The following XYLT1 variants were observed in gnomAD, a reference collection of about 807,000 sequenced individuals.
XYLT1 encodes the protein xylosyltransferase 1.
In XYLT1, 36 loss-of-function variants were observed where a neutral mutation model predicts 91.3. The observed-to-expected ratio is 0.39, with a 90% CI of 0.30 to 0.52. The LOEUF is 0.52. Ranked by LOEUF, XYLT1 falls within the 20% of genes least tolerant of loss-of-function variation. The pLI is 0.68. For missense variants in XYLT1, 1,242 were observed against 1,284.5 expected, an observed-to-expected ratio of 0.97 and a Z score of 0.51; for synonymous variants, 588 against 532.0, an observed-to-expected ratio of 1.11 and a Z score of -1.45.
At chr16:17,226,336 C>T (rs961972101) in intron 3 of XYLT1, among the ~76,000 whole-genome samples, 2 of 152,132 alleles carry the variant, frequency 1.3e-5, no homozygotes, top group Non-Finnish European at 2.9e-5. Flanking sequence ...GCCTCAGGGC[C>T]GTAGTACCCT....
At chr16:17,218,283 AAACAAC>A (rs973583588) in intron 3 of XYLT1, among the ~76,000 whole-genome samples, 1 of 152,018 alleles carries the variant, frequency 6.6e-6, no homozygotes, top group Non-Finnish European at 1.5e-5. Context: ...CCAAAAAAAC[AAACAAC>A]AACAACAAGA....
In XYLT1 at chr16:17,336,624, A is replaced by G. The variant is rs577140067; in HGVS notation, c.402+21388T>C. ...AACCTCCTCCTCCTAGGCTCACCCC[A>G]GGCCATCAAAGAGACACACATACCT... On this transcript the variant is annotated intron_variant, in intron 2 of 11. Coordinates refer to ENST00000261381, the MANE Select transcript of XYLT1 (RefSeq NM_022166.4). Among the ~76,000 whole-genome samples the G allele has an allele frequency of 5.9e-5, 9 of 152,152 alleles. No homozygotes were observed. The South Asian group carries it at 1.9e-3, about 32-fold the overall frequency.
intron 9 of XYLT1, 121 bp downstream of exon 9, chr16:17,134,352 A>G: frequency 7.4e-7 from 1 of 1,345,966 alleles, no homozygotes; most frequent in South Asian, 1.4e-5. Flanking sequence ...AAAGGAAGAG[A>G]GAAAGCATAG....
intron 1 of XYLT1, among the ~76,000 whole-genome samples, chr16:17,425,967 G>A (rs1335314186): frequency 2.0e-5 from 3 of 152,062 alleles, no homozygotes; most frequent in African/African-American, 4.8e-5. Context: ...ATGTCTATAC[G>A]TGTATTTTGC....
chr16:17,272,496 C>T (rs1006956170), intron 2 of XYLT1, among the ~76,000 whole-genome samples: 11 of 152,104 alleles, frequency 7.2e-5, no homozygotes, highest in African/African-American at 2.7e-4. Flanking sequence ...AAGCCACAAC[C>T]GGGACCAATG....
intron 2 of XYLT1, among the ~76,000 whole-genome samples, chr16:17,270,254 G>A (rs1483591161): frequency 2.0e-5 from 3 of 152,344 alleles, no homozygotes; most frequent in South Asian, 4.1e-4. Flanking sequence ...CTTTGTTTAT[G>A]TTTGACGCAG....
intron 3 of XYLT1, among the ~76,000 whole-genome samples, chr16:17,234,209 G>A (rs2033211077): frequency 6.6e-6 from 1 of 152,182 alleles, no homozygotes; most frequent in Non-Finnish European, 1.5e-5. Context: ...TGCCTAGCTT[G>A]TGAGTGACAG....
At chr16:17,291,385 T>C (rs2034223858) in intron 2 of XYLT1, among the ~76,000 whole-genome samples, 1 of 152,198 alleles carries the variant, frequency 6.6e-6, no homozygotes, top group Non-Finnish European at 1.5e-5. Context: ...AGGCTGAGGT[T>C]ATTTCCCATT....
chr16:17,366,989 T>C (rs972060380), intron 1 of XYLT1, among the ~76,000 whole-genome samples: 2 of 152,032 alleles, frequency 1.3e-5, no homozygotes, highest in Non-Finnish European at 2.9e-5. Context: ...TTGGATCAGA[T>C]GCTCCTCATA....
rs747223015 is a variant in XYLT1 at position 17,138,471 on chromosome 16, G to GGTT, written c.1645_1647dup (p.Asn549dup). 1 of 1,614,070 alleles carries GGTT rather than the reference G, an allele frequency of 6.2e-7. No individual in the cohort carries two copies. Among genetic ancestry groups the GGTT allele is most frequent in the Non-Finnish European group, 8.5e-7 (1 of 1,180,034 alleles). On this transcript the variant is annotated inframe_insertion, in exon 8 of 12. Transcript: ENST00000261381. ...TTGCGATTCCAGTTGGTGATGCGCAGGTTGTTGTCCACCATGGTGTCGCAG... is the reference window on the plus strand; with the variant it reads ...TTGCGATTCCAGTTGGTGATGCGCAGGTTGTTGTTGTCCACCATGGTGTCGCAG...
chr16:17,451,762 C>G (rs945048476), intron 1 of XYLT1, among the ~76,000 whole-genome samples: 1 of 152,148 alleles, frequency 6.6e-6, no homozygotes, highest in Non-Finnish European at 1.5e-5. Flanking sequence ...CCCATCACCC[C>G]AGGGACCTGC....
At chr16:17,393,297 T>C (rs902106346) in intron 1 of XYLT1, among the ~76,000 whole-genome samples, 2 of 152,218 alleles carry the variant, frequency 1.3e-5, no homozygotes, top group Non-Finnish European at 2.9e-5. Flanking sequence ...CATACCTCAA[T>C]GTGTTTATTT....
chr16:17,280,171 C>G (rs1399494723), intron 2 of XYLT1, among the ~76,000 whole-genome samples: 1 of 152,102 alleles, frequency 6.6e-6, no homozygotes, highest in Non-Finnish European at 1.5e-5. Context: ...GACAACATGG[C>G]GAAACCTCGT....
chr16:17,400,629 G>GAGGAAGGA (rs139881259), intron 1 of XYLT1, among the ~76,000 whole-genome samples: 5,219 of 132,630 alleles, frequency 0.039, 205 homozygotes, highest in Admixed American at 0.081. Context: ...GGGAGGAAGG[G>GAGGAAGGA]AGGAAGGAAG....
intron 6 of XYLT1, among the ~76,000 whole-genome samples, chr16:17,151,790 CAGAGA>C (rs2031289507): frequency 1.3e-5 from 2 of 152,274 alleles, no homozygotes; most frequent in Non-Finnish European, 2.9e-5. Context: ...GGGTTCAGGC[CAGAGA>C]AGAGAGAGAA....
chr16:17,415,412 G>A (rs1419488838), intron 1 of XYLT1, among the ~76,000 whole-genome samples: 7 of 152,166 alleles, frequency 4.6e-5, no homozygotes, highest in African/African-American at 1.4e-4. Flanking sequence ...AATGGAGGCC[G>A]GGCGCGGTGG....
intron 3 of XYLT1, among the ~76,000 whole-genome samples, chr16:17,252,243 G>A (rs2033553020): frequency 6.6e-6 from 1 of 152,192 alleles, no homozygotes; most frequent in South Asian, 2.1e-4. Flanking sequence ...TATAAAGACA[G>A]AAGATGAGTT....
chr16:17,249,091 G>C (rs1273692923), intron 3 of XYLT1, among the ~76,000 whole-genome samples: 2 of 152,122 alleles, frequency 1.3e-5, no homozygotes, highest in Non-Finnish European at 2.9e-5. Context: ...CAAGCTCCCT[G>C]AGGACGGGGA....
chr16:17,172,883 T>C (rs1174476211), intron 5 of XYLT1, among the ~76,000 whole-genome samples: 1 of 152,222 alleles, frequency 6.6e-6, no homozygotes. Flanking sequence ...CGGGTTTTAT[T>C]TGACTCTACA....
Sources: gnomAD v4.1 joint callset for allele counts (sites outside exome capture counted in the v4.1 genomes callset) on GRCh38, gnomAD v4.1.1 for gene constraint, MANE v1.5 for transcripts, NCBI Gene and HGNC (gene_info 2026-07-23, HGNC 2026-07-21) for gene names.